The following LRRTM4 variants were observed in gnomAD, a reference collection of about 807,000 sequenced individuals.
LRRTM4 encodes the protein leucine rich repeat transmembrane neuronal 4.
Under a neutral mutation model 47.6 loss-of-function variants are expected in LRRTM4, and 25 were observed. The ratio of observed to expected loss-of-function variants is 0.53; its 90% CI spans 0.38 to 0.73. LRRTM4 has a LOEUF of 0.73. Among genes scored for constraint, LRRTM4 ranks in the 30% least tolerant of loss-of-function variants. LRRTM4 has a pLI of 0.00. For synonymous variants in LRRTM4, 311 were observed against 269.5 expected, an observed-to-expected ratio of 1.15 and a Z score of -1.51; for missense variants, 638 against 713.4, an observed-to-expected ratio of 0.89 and a Z score of 1.20.
intron 3 of LRRTM4, among the ~76,000 whole-genome samples, chr2:77,364,484 G>C (rs1672364145): frequency 6.6e-6 from 1 of 152,032 alleles, no homozygotes; most frequent in Non-Finnish European, 1.5e-5. Context: ...ATTTTAAAGG[G>C]ACAACTCTCT....
intron 3 of LRRTM4, among the ~76,000 whole-genome samples, chr2:77,203,100 T>C (rs548047638): frequency 1.3e-5 from 2 of 152,032 alleles, no homozygotes; most frequent in African/African-American, 2.4e-5. Flanking sequence ...TAAATATATA[T>C]ATATACACAC....
intron 3 of LRRTM4, among the ~76,000 whole-genome samples, chr2:76,965,345 T>A (rs769173021): frequency 1.3e-5 from 2 of 151,256 alleles, no homozygotes; most frequent in Non-Finnish European, 3.0e-5. Flanking sequence ...TAGAAAGAAT[T>A]ATACACCATC....
chr2:76,800,505 A>G (rs1675607973), intron 3 of LRRTM4, among the ~76,000 whole-genome samples: 1 of 146,896 alleles, frequency 6.8e-6, no homozygotes, highest in African/African-American at 2.6e-5. Flanking sequence ...AAACCCTAGA[A>G]GAAAACCTAG....
chr2:77,139,617 G>C (rs146252494), intron 3 of LRRTM4, among the ~76,000 whole-genome samples: 3,864 of 152,270 alleles, frequency 0.025, 77 homozygotes, highest in South Asian at 0.049. Flanking sequence ...AGTGTTGGAA[G>C]TTTTGGCCAG....
rs181699157 is a variant in LRRTM4, at chr2:77,520,840, C to T, written c.4+828G>A. 2.7e-3 allele frequency among the ~76,000 whole-genome samples: 410 copies of T among 151,932 alleles called. 3 individuals are homozygous for T. The highest frequency in any genetic ancestry group is 9.6e-3 in the African/African-American group (398 of 41,518). On this transcript the variant is annotated intron_variant, in intron 2 of 3. Coordinates refer to ENST00000409884, the MANE Select transcript of LRRTM4 (RefSeq NM_001134745.3). Reference sequence around the variant, plus strand: ...ATCTATTGGCACTTACACTGCATTTCCAAGTCATTGCATGTTAAGGGACTT... The same window carrying T: ...ATCTATTGGCACTTACACTGCATTTTCAAGTCATTGCATGTTAAGGGACTT...
intron 3 of LRRTM4, among the ~76,000 whole-genome samples, chr2:77,298,032 A>G (rs1365545191): frequency 1.3e-5 from 2 of 152,224 alleles, no homozygotes; most frequent in African/African-American, 2.4e-5. Context: ...GTGATGTGTA[A>G]GAAACTAAAA....
chr2:77,254,914 G>T (rs1400408187), intron 3 of LRRTM4, among the ~76,000 whole-genome samples: 44 of 144,678 alleles, frequency 3.0e-4, no homozygotes, highest in Non-Finnish European at 7.6e-5. Context: ...AAAAAAAAAA[G>T]GACAGTCATA....
At chr2:77,045,564 G>A (rs1679206104) in intron 3 of LRRTM4, among the ~76,000 whole-genome samples, 1 of 151,982 alleles carries the variant, frequency 6.6e-6, no homozygotes, top group East Asian at 1.9e-4. Context: ...TGAATCGTGA[G>A]GGCAGGTGTT....
chr2:77,248,332 TA>T (rs1269182042), intron 3 of LRRTM4, among the ~76,000 whole-genome samples: 1 of 152,076 alleles, frequency 6.6e-6, no homozygotes, highest in East Asian at 1.9e-4. Flanking sequence ...AAAATAGATA[TA>T]AATCTAACAA....
At chr2:77,213,867 T>C (rs540429515) in intron 3 of LRRTM4, among the ~76,000 whole-genome samples, 3 of 151,698 alleles carry the variant, frequency 2.0e-5, no homozygotes, top group African/African-American at 7.3e-5. Context: ...TTTATCTCAG[T>C]AGTAGAGCAG....
chr2:76,952,785 C>T (rs1383754858), intron 3 of LRRTM4, among the ~76,000 whole-genome samples: 1 of 151,502 alleles, frequency 6.6e-6, no homozygotes, highest in Non-Finnish European at 1.5e-5. Context: ...AACATGGTAC[C>T]AATCTCGATG....
At chr2:77,461,734 G>T (rs936052109) in intron 3 of LRRTM4, among the ~76,000 whole-genome samples, 20 of 151,998 alleles carry the variant, frequency 1.3e-4, no homozygotes, top group African/African-American at 4.6e-4. Flanking sequence ...GAACATTATA[G>T]ACTTTTTCTG....
intron 3 of LRRTM4, among the ~76,000 whole-genome samples, chr2:77,126,151 AT>A (rs1037194121): frequency 6.6e-5 from 10 of 151,842 alleles, no homozygotes; most frequent in African/African-American, 2.2e-4. Context: ...CCACTCAATT[AT>A]TTTTTTCAAA....
At chr2:76,808,351 T>A (rs536085323) in intron 3 of LRRTM4, among the ~76,000 whole-genome samples, 10 of 152,194 alleles carry the variant, frequency 6.6e-5, no homozygotes, top group Admixed American at 4.6e-4. Context: ...TTCTTTTACT[T>A]TCATTTAAAA....
intron 3 of LRRTM4, among the ~76,000 whole-genome samples, chr2:77,495,667 A>G (rs1413308919): frequency 6.6e-6 from 1 of 151,926 alleles, no homozygotes; most frequent in Non-Finnish European, 1.5e-5. Context: ...CTGCCTTTGC[A>G]CTTTTGTCAA....
chr2:76,901,350 T>C (rs1392695593), intron 3 of LRRTM4, among the ~76,000 whole-genome samples: 4 of 152,170 alleles, frequency 2.6e-5, no homozygotes, highest in Non-Finnish European at 5.9e-5. Context: ...TGGCTTCCAG[T>C]TCCATCCATG....
At chr2:77,013,067 C>G (rs992386998) in intron 3 of LRRTM4, among the ~76,000 whole-genome samples, 16 of 152,126 alleles carry the variant, frequency 1.1e-4, no homozygotes, top group Admixed American at 1.0e-3. Context: ...AATGGATAAC[C>G]TTCTCTCCAC....
chr2:77,348,791 A>AAT (rs35472050), intron 3 of LRRTM4, among the ~76,000 whole-genome samples: 98,443 of 149,468 alleles, frequency 0.66, 32,906 homozygotes, highest in Middle Eastern at 0.74. Flanking sequence ...ATTAATACAA[A>AAT]ATATATATAT....
intron 3 of LRRTM4, among the ~76,000 whole-genome samples, chr2:77,146,076 T>C (rs1212108084): frequency 3.3e-5 from 5 of 152,134 alleles, no homozygotes; most frequent in Admixed American, 3.3e-4. Flanking sequence ...CTGTTGATGA[T>C]ATATATTTTA....
Sources: gnomAD v4.1 joint callset for allele counts (sites outside exome capture counted in the v4.1 genomes callset) on GRCh38, gnomAD v4.1.1 for gene constraint, MANE v1.5 for transcripts, NCBI Gene and HGNC (gene_info 2026-07-23, HGNC 2026-07-21) for gene names.